The following ASXL2 variants were observed in gnomAD, a reference collection of about 807,000 sequenced individuals.
The protein encoded by ASXL2 is putative Polycomb group protein ASXL2.
In ASXL2, 23 loss-of-function variants were observed where a neutral mutation model predicts 122.0. The observed-to-expected ratio is 0.19, with a 90% CI of 0.14 to 0.27. ASXL2 has a LOEUF of 0.27. ASXL2 is among the 10% of genes least tolerant of loss of function. The pLI, the probability that ASXL2 is intolerant of heterozygous loss-of-function variation, is 1.00. For synonymous variants in ASXL2, 650 were observed against 637.0 expected, an observed-to-expected ratio of 1.02 and a Z score of -0.31; for missense variants, 1,518 against 1,713.8, an observed-to-expected ratio of 0.89 and a Z score of 2.02.
At chr2:25,875,184 T>A (rs146450923) in intron 1 of ASXL2, among the ~76,000 whole-genome samples, 1 of 152,248 alleles carries the variant, frequency 6.6e-6, no homozygotes, top group Non-Finnish European at 1.5e-5. Flanking sequence ...TCCAGTGTAG[T>A]GAATGCACAT....
Position 25,741,989 on chromosome 2 carries a change from C to T in ASXL2, c.*40G>A. Reference sequence around the variant, plus strand: ...CAAAAAACCCAACTGGTCAACCCTTCCCTTCCCCCTCCTTTACAGTGTATC... The same window carrying T: ...CAAAAAACCCAACTGGTCAACCCTTTCCTTCCCCCTCCTTTACAGTGTATC... On this transcript the variant is annotated 3_prime_UTR_variant, in exon 13 of 13. Transcript: ENST00000435504. The T allele has an allele frequency of 6.4e-7, 1 of 1,558,548 alleles. No individual in the cohort carries two copies. The highest frequency in any genetic ancestry group is 8.7e-7 in the Non-Finnish European group (1 of 1,146,756).
intron 3 of ASXL2, among the ~76,000 whole-genome samples, chr2:25,825,555 T>A (rs1016457139): frequency 6.6e-6 from 1 of 152,220 alleles, no homozygotes; most frequent in African/African-American, 2.4e-5. Flanking sequence ...TTATTTTTTG[T>A]CTGGCTTATT....
At chr2:25,866,000 T>C (rs1453362006) in intron 1 of ASXL2, among the ~76,000 whole-genome samples, 1 of 152,086 alleles carries the variant, frequency 6.6e-6, no homozygotes. Context: ...CTGTGACCTT[T>C]ACTTGGTACA....
intron 1 of ASXL2, among the ~76,000 whole-genome samples, chr2:25,856,142 C>A (rs182754013): frequency 1.8e-4 from 28 of 151,886 alleles, no homozygotes; most frequent in African/African-American, 6.8e-4. Context: ...CTGCAACCTC[C>A]GCCTCCTGGG....
At chr2:25,829,710 A>C (rs2089427921) in intron 3 of ASXL2, among the ~76,000 whole-genome samples, 1 of 152,182 alleles carries the variant, frequency 6.6e-6, no homozygotes, top group East Asian at 1.9e-4. Flanking sequence ...AGATCTTAGG[A>C]GATTATTAAA....
chr2:25,734,123 TAG>T lies in ASXL2; in HGVS notation c.*7904_*7905del, dbSNP rs892961218. The T allele has an allele frequency of 2.6e-5, 4 of 152,078 alleles. No homozygotes were observed. Among genetic ancestry groups the T allele is most frequent in the African/African-American group, 7.2e-5 (3 of 41,410 alleles). The allele number at this position is 152,078 out of a possible 1,614,324, so 9.4% of individuals were successfully genotyped here. ...AGTGTTTTTTTTTCTTTCAAATTTCTAGAGTTTCATTTGTTATGTTCTCTAGA... is the reference window on the plus strand; with the variant it reads ...AGTGTTTTTTTTTCTTTCAAATTTCTAGTTTCATTTGTTATGTTCTCTAGA... On this transcript the variant is annotated 3_prime_UTR_variant, in exon 13 of 13. Coordinates refer to ENST00000435504, the MANE Select transcript of ASXL2 (RefSeq NM_018263.6).
chr2:25,873,446 T>C (rs111327875), intron 1 of ASXL2, among the ~76,000 whole-genome samples: 198 of 152,178 alleles, frequency 1.3e-3, no homozygotes, highest in African/African-American at 4.6e-3. Flanking sequence ...ACACTTCCTA[T>C]ATCAAAGTAA....
intron 4 of ASXL2, among the ~76,000 whole-genome samples, chr2:25,800,548 T>C (rs2088980717): frequency 6.6e-6 from 1 of 152,204 alleles, no homozygotes; most frequent in African/African-American, 2.4e-5. Flanking sequence ...TAACAAATCA[T>C]ATGAAACTCT....
intron 1 of ASXL2, among the ~76,000 whole-genome samples, chr2:25,854,882 C>T (rs1295516329): frequency 6.6e-6 from 1 of 152,152 alleles, no homozygotes; most frequent in African/African-American, 2.4e-5. Context: ...TTTTAAGAGA[C>T]TGCTGCCAGT....
At chr2:25,782,155 C>T (rs574543011) in intron 5 of ASXL2, among the ~76,000 whole-genome samples, 8 of 151,972 alleles carry the variant, frequency 5.3e-5, no homozygotes, top group East Asian at 3.9e-4. Context: ...GACGCAAAAT[C>T]GTATCATCTG....
chr2:25,739,732 T>C lies in ASXL2; in HGVS notation c.*2297A>G, dbSNP rs2087795994. The C allele has an allele frequency of 9.4e-6, 2 of 213,590 alleles. 1 individual carries two copies. Among genetic ancestry groups the C allele is most frequent in the African/African-American group, 4.5e-5 (2 of 44,272 alleles). The allele number at this position is 213,590 out of a possible 1,614,324, so 13.2% of individuals were successfully genotyped here. On this transcript the variant is annotated 3_prime_UTR_variant, in exon 13 of 13. Coordinates refer to ENST00000435504, the MANE Select transcript of ASXL2 (RefSeq NM_018263.6). Reference sequence around the variant, plus strand: ...CTTTCCTCCTTTCCTAGTTATAGTCTGTTCATCCCTAAGTTAAGGGTAGCA... The same window carrying C: ...CTTTCCTCCTTTCCTAGTTATAGTCCGTTCATCCCTAAGTTAAGGGTAGCA...
chr2:25,806,940 TTAA>T (rs1365924603), intron 3 of ASXL2, among the ~76,000 whole-genome samples: 23 of 151,798 alleles, frequency 1.5e-4, no homozygotes, highest in Non-Finnish European at 3.1e-4. Flanking sequence ...TAAAATATAA[TTAA>T]TAATTATACC....
intron 3 of ASXL2, among the ~76,000 whole-genome samples, chr2:25,828,524 A>AAG (rs2089406756): frequency 6.8e-6 from 1 of 147,702 alleles, no homozygotes; most frequent in South Asian, 2.2e-4. Context: ...AAAAAAATAA[A>AAG]AAGAAAAGAT....
At chr2:25,843,563 T>C (rs2089612644) in intron 2 of ASXL2, among the ~76,000 whole-genome samples, 1 of 152,056 alleles carries the variant, frequency 6.6e-6, no homozygotes, top group Non-Finnish European at 1.5e-5. Flanking sequence ...ACCTAACTTA[T>C]TTCAACCTAC....
intron 3 of ASXL2, among the ~76,000 whole-genome samples, chr2:25,813,846 C>T (rs1182621218): frequency 6.6e-6 from 1 of 152,204 alleles, no homozygotes; most frequent in Middle Eastern, 3.4e-3. Flanking sequence ...GTCAGGAGAT[C>T]GAGACCATCC....
chr2:25,766,267 T>C (rs1289623626), intron 8 of ASXL2, among the ~76,000 whole-genome samples: 1 of 152,194 alleles, frequency 6.6e-6, no homozygotes, highest in Non-Finnish European at 1.5e-5. Flanking sequence ...TTGGCATAGG[T>C]TTCTTTTCAC....
At chr2:25,747,453 A>G (rs1186817197) in intron 12 of ASXL2, among the ~76,000 whole-genome samples, 1 of 152,218 alleles carries the variant, frequency 6.6e-6, no homozygotes, top group East Asian at 1.9e-4. Context: ...AAGAGAAGAG[A>G]GTTACTAAAG....
chr2:25,790,021 A>G (rs1161900077), intron 5 of ASXL2, among the ~76,000 whole-genome samples: 1 of 152,154 alleles, frequency 6.6e-6, no homozygotes, highest in Admixed American at 6.5e-5. Flanking sequence ...TTTTTAAAAA[A>G]GGGACAAGAT....
At chr2:25,829,481 C>T (rs2089424282) in intron 3 of ASXL2, among the ~76,000 whole-genome samples, 1 of 152,146 alleles carries the variant, frequency 6.6e-6, no homozygotes, top group Non-Finnish European at 1.5e-5. Flanking sequence ...CAATTTTATA[C>T]CTTTGTCCTA....
Sources: allele counts gnomAD v4.1 joint callset (sites outside exome capture counted in the v4.1 genomes callset), GRCh38; gene constraint gnomAD v4.1.1; transcripts MANE v1.5; gene names NCBI Gene and HGNC (gene_info 2026-07-23, HGNC 2026-07-21).